Variants in NKAIN3 observed in about 807,000 individuals in gnomAD.
NKAIN3 encodes the protein sodium/potassium transporting ATPase interacting 3, also known as sodium/potassium-transporting ATPase subunit beta-1-interacting protein 3.
In NKAIN3, 25 loss-of-function variants were observed where a neutral mutation model predicts 30.2. The observed-to-expected ratio is 0.83, with a 90% CI of 0.60 to 1.16. The LOEUF (loss-of-function observed/expected upper bound fraction) is 1.16, where lower values mean the gene tolerates loss of function less well. Ranked by LOEUF, NKAIN3 falls within the 50% of genes most tolerant of loss-of-function variation. The pLI, the probability that NKAIN3 is intolerant of heterozygous loss-of-function variation, is 0.00. For synonymous variants in NKAIN3, 91 were observed against 89.6 expected, an observed-to-expected ratio of 1.02 and a Z score of -0.09; for missense variants, 225 against 254.1, an observed-to-expected ratio of 0.89 and a Z score of 0.78.
chr8:62,643,367 G>A (rs1222682165), intron 3 of NKAIN3, among the ~76,000 whole-genome samples: 1 of 152,142 alleles, frequency 6.6e-6, no homozygotes, highest in Middle Eastern at 3.2e-3. Flanking sequence ...CAAAGGAGGA[G>A]TTGGCAACAT....
chr8:62,257,179 A>C (rs1489099983), intron 1 of NKAIN3, among the ~76,000 whole-genome samples: 1 of 152,164 alleles, frequency 6.6e-6, no homozygotes, highest in Non-Finnish European at 1.5e-5. Flanking sequence ...GCTGTGTAAT[A>C]GATCTCAAAC....
At chr8:62,604,844 A>T (rs967247143) in intron 3 of NKAIN3, among the ~76,000 whole-genome samples, 1 of 152,158 alleles carries the variant, frequency 6.6e-6, no homozygotes, top group Admixed American at 6.6e-5. Context: ...TAAGTGTTCA[A>T]CTATATTCAT....
intron 1 of NKAIN3, among the ~76,000 whole-genome samples, chr8:62,505,621 C>T (rs1470013159): frequency 6.6e-6 from 1 of 152,102 alleles, no homozygotes; most frequent in Admixed American, 6.6e-5. Context: ...TTGTTGAAAT[C>T]AAGCACTATG....
intron 1 of NKAIN3, among the ~76,000 whole-genome samples, chr8:62,394,224 G>A (rs1585756726): frequency 6.6e-6 from 1 of 151,802 alleles, no homozygotes; most frequent in Non-Finnish European, 1.5e-5. Flanking sequence ...GGTTAAAGAC[G>A]TTTTCCTCCA....
intron 1 of NKAIN3, among the ~76,000 whole-genome samples, chr8:62,543,201 T>C (rs1808898984): frequency 6.6e-6 from 1 of 152,206 alleles, no homozygotes; most frequent in Non-Finnish European, 1.5e-5. Flanking sequence ...CTGAGACTGA[T>C]GGTGTTGCTG....
At chr8:62,732,509 G>A (rs867222226) in intron 3 of NKAIN3, among the ~76,000 whole-genome samples, 2 of 152,074 alleles carry the variant, frequency 1.3e-5, no homozygotes, top group African/African-American at 4.8e-5. Context: ...ATTTTATAAT[G>A]TATAAATGTA....
intron 5 of NKAIN3, among the ~76,000 whole-genome samples, chr8:62,938,889 G>A (rs945789032): frequency 1.3e-5 from 2 of 152,130 alleles, no homozygotes; most frequent in Non-Finnish European, 2.9e-5. Flanking sequence ...GCAATGGACC[G>A]AAACCAACAA....
At chr8:62,995,716 A>G (rs992281005) in intron 5 of NKAIN3, among the ~76,000 whole-genome samples, 3 of 152,226 alleles carry the variant, frequency 2.0e-5, no homozygotes, top group Non-Finnish European at 4.4e-5. Flanking sequence ...TGGACAATCA[A>G]TTCAGAATTT....
intron 4 of NKAIN3, among the ~76,000 whole-genome samples, chr8:62,866,773 G>T (rs569586168): frequency 1.3e-5 from 2 of 152,040 alleles, no homozygotes; most frequent in Admixed American, 6.6e-5. Flanking sequence ...TTGGCCAGGC[G>T]CAGTGGCTCA....
intron 4 of NKAIN3, among the ~76,000 whole-genome samples, chr8:62,860,428 A>T (rs1820205475): frequency 6.6e-6 from 1 of 152,228 alleles, no homozygotes; most frequent in African/African-American, 2.4e-5. Flanking sequence ...CATTGTGTAT[A>T]CAAAATTCCA....
chr8:62,930,407 C>A (rs1367033632), intron 5 of NKAIN3, among the ~76,000 whole-genome samples: 6 of 152,186 alleles, frequency 3.9e-5, no homozygotes, highest in Middle Eastern at 3.4e-3. Context: ...GCGCCTGACA[C>A]CATGCCCGGC....
intron 4 of NKAIN3, among the ~76,000 whole-genome samples, chr8:62,799,580 CT>C (rs1419360377): frequency 1.3e-5 from 2 of 152,094 alleles, no homozygotes; most frequent in Non-Finnish European, 2.9e-5. Context: ...AAAGGGAAGA[CT>C]TTTACACTGT....
intron 4 of NKAIN3, among the ~76,000 whole-genome samples, chr8:62,819,519 A>G (rs1038213227): frequency 6.6e-6 from 1 of 152,072 alleles, no homozygotes; most frequent in African/African-American, 2.4e-5. Flanking sequence ...ATTTATTCTG[A>G]GTCATAGATA....
At chr8:62,282,466 A>G (rs1813237159) in intron 1 of NKAIN3, among the ~76,000 whole-genome samples, 1 of 152,174 alleles carries the variant, frequency 6.6e-6, no homozygotes, top group African/African-American at 2.4e-5. Flanking sequence ...TTCAGAGTAT[A>G]GATTTTTGAA....
chr8:62,654,844 G>C (rs1236503701), intron 3 of NKAIN3, among the ~76,000 whole-genome samples: 2 of 152,104 alleles, frequency 1.3e-5, no homozygotes, highest in East Asian at 3.9e-4. Context: ...AGGAACTCAT[G>C]AGAAACAGGA....
chr8:62,839,561 G>A (rs1819469550), intron 4 of NKAIN3, among the ~76,000 whole-genome samples: 1 of 152,000 alleles, frequency 6.6e-6, no homozygotes, highest in Non-Finnish European at 1.5e-5. Context: ...CAAACTAGAA[G>A]ATCAAATAAC....
intron 5 of NKAIN3, among the ~76,000 whole-genome samples, chr8:62,933,897 A>G (rs770847797): frequency 1.3e-5 from 2 of 152,226 alleles, no homozygotes; most frequent in Non-Finnish European, 2.9e-5. Flanking sequence ...CTGAACAGAC[A>G]GTAATTGAAA....
chr8:62,552,952 A>G (rs78075653), intron 1 of NKAIN3, among the ~76,000 whole-genome samples: 1 of 152,312 alleles, frequency 6.6e-6, no homozygotes, highest in East Asian at 1.9e-4. Context: ...AGAGATGGCT[A>G]TAAGAAGAAA....
intron 1 of NKAIN3, among the ~76,000 whole-genome samples, chr8:62,428,019 G>T (rs1012109490): frequency 1.3e-5 from 2 of 151,746 alleles, no homozygotes; most frequent in African/African-American, 4.8e-5. Flanking sequence ...CCCAGCCTCT[G>T]TCAACCACCA....
Sources: allele counts gnomAD v4.1 joint callset (sites outside exome capture counted in the v4.1 genomes callset), GRCh38; gene constraint gnomAD v4.1.1; transcripts MANE v1.5; gene names NCBI Gene and HGNC (gene_info 2026-07-23, HGNC 2026-07-21).